The following SLC9A9 variants were observed in gnomAD, a reference collection of about 807,000 sequenced individuals.
The protein encoded by SLC9A9 is sodium/hydrogen exchanger 9.
A neutral mutation model predicts 77.8 loss-of-function variants in SLC9A9; 62 were observed. That is an observed-to-expected ratio of 0.80 (90% CI 0.65 to 0.98). SLC9A9 has a LOEUF of 0.98. Among genes scored for constraint, SLC9A9 ranks in the 50% least tolerant of loss-of-function variants. The pLI is 0.00. For synonymous variants in SLC9A9, 320 were observed against 283.5 expected (o/e 1.13, Z -1.29); for missense variants, 775 against 774.9 (o/e 1.00, Z 0.00).
At chr3:143,629,871 G>GTGGTGACCAGAA (rs2038391700) in intron 6 of SLC9A9, among the ~76,000 whole-genome samples, 1 of 152,096 alleles carries the variant, frequency 6.6e-6, no homozygotes, top group Non-Finnish European at 1.5e-5. Flanking sequence ...TGGGGATTCA[G>GTGGTGACCAGAA]TGGTGACCAG....
At chr3:143,597,525 A>C in intron 6 of SLC9A9, among the ~76,000 whole-genome samples, 1 of 152,188 alleles carries the variant, frequency 6.6e-6, no homozygotes, top group Non-Finnish European at 1.5e-5. Context: ...GGACAGCGTA[A>C]GAAAAGCTGC....
At chr3:143,279,718 T>A (rs1938159491) in intron 14 of SLC9A9, among the ~76,000 whole-genome samples, 2 of 152,332 alleles carry the variant, frequency 1.3e-5, no homozygotes, top group Admixed American at 1.3e-4. Context: ...TTCAGCTTCA[T>A]CCATGTCCCT....
At chr3:143,342,173 AC>A (rs1364505005) in intron 14 of SLC9A9, 2 of 152,190 alleles carry the variant, frequency 1.3e-5, no homozygotes, top group African/African-American at 4.8e-5. Flanking sequence ...TCTCAATGAA[AC>A]AAACATTAGA....
intron 5 of SLC9A9, among the ~76,000 whole-genome samples, chr3:143,659,496 G>A (rs1230388134): frequency 6.6e-6 from 1 of 152,178 alleles, no homozygotes; most frequent in African/African-American, 2.4e-5. Context: ...AGGACACAAA[G>A]GGACATTACA....
At chr3:143,530,653 C>CAA (rs376511036) in intron 9 of SLC9A9, among the ~76,000 whole-genome samples, 1 of 137,038 alleles carries the variant, frequency 7.3e-6, no homozygotes, top group African/African-American at 2.6e-5. Context: ...CAAAACAAAA[C>CAA]AAAACAAACA....
chr3:143,785,127 C>CT (rs928586313), intron 4 of SLC9A9, among the ~76,000 whole-genome samples: 6 of 152,200 alleles, frequency 3.9e-5, no homozygotes, highest in African/African-American at 1.4e-4. Flanking sequence ...CTTCCCCTCC[C>CT]TGTATGCCTA....
chr3:143,725,107 A>T (rs2108805291), intron 4 of SLC9A9, among the ~76,000 whole-genome samples: 1 of 152,134 alleles, frequency 6.6e-6, no homozygotes, highest in East Asian at 1.9e-4. Context: ...TTCAGTGTTC[A>T]TTTTTTTCCT....
chr3:143,519,655 C>A (rs932221658), intron 9 of SLC9A9, among the ~76,000 whole-genome samples: 5 of 151,974 alleles, frequency 3.3e-5, no homozygotes, highest in African/African-American at 1.2e-4. Context: ...AAGTAGAAAG[C>A]CTGGTTAGAA....
chr3:143,748,754 A>C (rs901645782), intron 4 of SLC9A9, among the ~76,000 whole-genome samples: 2 of 128,950 alleles, frequency 1.6e-5, no homozygotes, highest in African/African-American at 6.1e-5. Flanking sequence ...CGGACTGCGG[A>C]CTGCAGTGGC....
intron 14 of SLC9A9, among the ~76,000 whole-genome samples, chr3:143,272,922 C>A (rs1030893942): frequency 2.0e-4 from 30 of 152,168 alleles, no homozygotes; most frequent in African/African-American, 7.0e-4. Context: ...AAAGCTGGAA[C>A]TCTACCCAGA....
At chr3:143,628,830 T>G (rs1396422174) in intron 6 of SLC9A9, among the ~76,000 whole-genome samples, 1 of 152,192 alleles carries the variant, frequency 6.6e-6, no homozygotes, top group Admixed American at 6.5e-5. Flanking sequence ...GCCCAAGGAA[T>G]GTATTTAAAT....
chr3:143,838,205 A>T (rs1036481409), intron 1 of SLC9A9, among the ~76,000 whole-genome samples: 1 of 152,260 alleles, frequency 6.6e-6, no homozygotes, highest in Non-Finnish European at 1.5e-5. Flanking sequence ...CACTCCCTAC[A>T]GTATTGGAAA....
intron 14 of SLC9A9, among the ~76,000 whole-genome samples, chr3:143,280,492 G>A (rs1323338098): frequency 6.6e-6 from 1 of 150,486 alleles, no homozygotes; most frequent in Non-Finnish European, 1.5e-5. Flanking sequence ...TTCCTCAGAT[G>A]TAGTCCCTTT....
chr3:143,753,266 A>G (rs1446183915), intron 4 of SLC9A9, among the ~76,000 whole-genome samples: 1 of 151,528 alleles, frequency 6.6e-6, no homozygotes, highest in Non-Finnish European at 1.5e-5. Flanking sequence ...GGCCTGCATG[A>G]AAAAAAAAGT....
At chr3:143,582,940 T>A (rs1018711290) in intron 6 of SLC9A9, among the ~76,000 whole-genome samples, 2 of 151,976 alleles carry the variant, frequency 1.3e-5, no homozygotes, top group African/African-American at 4.8e-5. Context: ...ATTGCTTGAG[T>A]ACAGGAGTGT....
At chr3:143,714,667 C>T (rs1335794548) in intron 4 of SLC9A9, among the ~76,000 whole-genome samples, 2 of 152,210 alleles carry the variant, frequency 1.3e-5, no homozygotes, top group Admixed American at 1.3e-4. Flanking sequence ...CCTCCAAGAT[C>T]CATTCTCCAC....
intron 5 of SLC9A9, among the ~76,000 whole-genome samples, chr3:143,658,427 G>A (rs1333672232): frequency 1.3e-5 from 2 of 152,178 alleles, no homozygotes; most frequent in African/African-American, 4.8e-5. Flanking sequence ...TGAGATCTTA[G>A]TATCTTTTGC....
At chr3:143,336,599 T>C (rs1378292085) in intron 14 of SLC9A9, among the ~76,000 whole-genome samples, 1 of 152,156 alleles carries the variant, frequency 6.6e-6, no homozygotes, top group African/African-American at 2.4e-5. Context: ...TGCTACAACA[T>C]AGATGAAGCT....
chr3:143,676,101 C>T (rs956149667), intron 5 of SLC9A9, among the ~76,000 whole-genome samples: 1 of 152,100 alleles, frequency 6.6e-6, no homozygotes, highest in African/African-American at 2.4e-5. Flanking sequence ...CCCTCGCATG[C>T]GCAGTTCACA....
Sources: allele counts gnomAD v4.1 joint callset (sites outside exome capture counted in the v4.1 genomes callset), GRCh38; gene constraint gnomAD v4.1.1; transcripts MANE v1.5; gene names NCBI Gene and HGNC (gene_info 2026-07-23, HGNC 2026-07-21).